The following MARF1 variants were observed in gnomAD, a reference collection of about 807,000 sequenced individuals.
MARF1 encodes limkain-b1.
MARF1 carries 24 observed loss-of-function variants against 168.2 expected under a neutral mutation model. That is an observed-to-expected ratio of 0.14 (90% CI 0.10 to 0.20). The LOEUF is 0.20. Among genes scored for constraint, MARF1 ranks in the 10% least tolerant of loss-of-function variants. The pLI is 1.00. For synonymous variants in MARF1, 868 were observed against 822.4 expected (o/e 1.06, Z -0.95); for missense variants, 1,744 against 2,143.6 (o/e 0.81, Z 3.68).
intron 5 of MARF1, among the ~76,000 whole-genome samples, chr16:15,632,288 A>G (rs910636953): frequency 6.6e-6 from 1 of 152,254 alleles, no homozygotes; most frequent in Admixed American, 6.5e-5. Context: ...AATGACTAAA[A>G]TAAGATTTAA....
At chr16:15,625,890 C>T in intron 7 of MARF1, 90 bp from the exon 8 acceptor site, 1 of 971,662 alleles carries the variant, frequency 1.0e-6, no homozygotes. Flanking sequence ...CTCCAAACTT[C>T]AGTTAACAAC....
At chr16:15,617,255 T>C (rs1345259377) in intron 14 of MARF1, 44 bp downstream of exon 14, 1 of 1,610,098 alleles carries the variant, frequency 6.2e-7, no homozygotes, top group African/African-American at 1.3e-5. Flanking sequence ...TGTTCCACAA[T>C]CTTATAGAAA....
At chr16:15,633,347 T>C (rs960285288) in intron 5 of MARF1, among the ~76,000 whole-genome samples, 3 of 152,018 alleles carry the variant, frequency 2.0e-5, no homozygotes, top group Non-Finnish European at 4.4e-5. Context: ...TCTTAGTTTC[T>C]GTTTCTGGTT....
At chr16:15,608,729 T>C in intron 20 of MARF1, 2 of 566,652 alleles carry the variant, frequency 3.5e-6, no homozygotes, top group East Asian at 2.8e-5. Context: ...GATATAAAGA[T>C]AGTTACGAAG....
In MARF1 at chr16:15,610,836, G is replaced by A. The variant is rs899567773; in HGVS notation, c.3751+139C>T. The A allele has an allele frequency of 2.3e-5, 18 of 772,214 alleles. No homozygotes were observed. The African/African-American group carries it at 3.0e-4, about 13-fold the overall frequency. The allele number at this position is 772,214 out of a possible 1,614,324, so 47.8% of individuals were successfully genotyped here. On this transcript the variant is annotated intron_variant, in intron 19 of 26. Coordinates refer to ENST00000396368, the MANE Select transcript of MARF1 (RefSeq NM_014647.4). ...CTTTGAAGAACACAGAATCCAAAGAGCAGCAGTTTTCACACTGTGCTTTCT... is the reference window on the plus strand; with the variant it reads ...CTTTGAAGAACACAGAATCCAAAGAACAGCAGTTTTCACACTGTGCTTTCT...
Position 15,609,574 on chromosome 16 carries a change from A to G in MARF1, c.3903T>C (p.Tyr1301=), listed in dbSNP as rs774118179. 5 of 1,614,110 alleles carry G rather than the reference A, an allele frequency of 3.1e-6. No homozygotes were observed. The African/African-American group carries it at 5.3e-5, about 17-fold the overall frequency. ...HFGRQCKLAY[Y]GFTKLLELFE... ...AAAGTTCAAGTAGTTTGGTAAACCC[A>G]TAGTACGCAAGTTTGCACTGCCGGC... Residue 1301 remains tyrosine, a synonymous_variant, in exon 20 of 27, where the codon TAT becomes TAC. Coordinates refer to ENST00000396368, the MANE Select transcript of MARF1 (RefSeq NM_014647.4).
Position 15,596,816 on chromosome 16 carries a change from G to A in MARF1, c.5106C>T (p.Pro1702=). The change falls in exon 27 of 27, where the codon CCC becomes CCT. Residue 1702 remains proline (P), a synonymous_variant. Coordinates refer to ENST00000396368, the MANE Select transcript of MARF1 (RefSeq NM_014647.4). ...GCAGTGACTCGGAGGTTTCCGAGGA[G>A]GGGCAGGGAGGCACGGGGACAGCTG... ...ISAAVPVPPC[P]SSETSESLLS... 6.2e-7 allele frequency: 1 copy of A among 1,614,162 alleles called. No homozygotes were observed. Among genetic ancestry groups the A allele is most frequent in the Non-Finnish European group, 8.5e-7 (1 of 1,179,994 alleles).
At chr16:15,640,674 C>G (rs118021975) in intron 1 of MARF1, among the ~76,000 whole-genome samples, 1 of 152,164 alleles carries the variant, frequency 6.6e-6, no homozygotes, top group South Asian at 2.1e-4. Context: ...GCAGCCTGGG[C>G]GACGGAGTGA....
At chr16:15,620,414 G>C (rs1283625516) in intron 13 of MARF1, 37 bp downstream of exon 13, 1 of 1,354,418 alleles carries the variant, frequency 7.4e-7, no homozygotes, top group African/African-American at 1.4e-5. Flanking sequence ...CCACCAATCA[G>C]TACTGACTGG....
intron 26 of MARF1, among the ~76,000 whole-genome samples, chr16:15,597,389 A>G (rs781746061): frequency 4.6e-5 from 7 of 152,122 alleles, no homozygotes; most frequent in African/African-American, 7.2e-5. Flanking sequence ...GAGAGGACCT[A>G]TGCTCCCCAT....
At chr16:15,607,977 AGTGCTGAGGCAGCT>A (rs1158202091) in intron 21 of MARF1, among the ~76,000 whole-genome samples, 1 of 152,220 alleles carries the variant, frequency 6.6e-6, no homozygotes, top group African/African-American at 2.4e-5. Flanking sequence ...TCAGGCCAGC[AGTGCTGAGGCAGCT>A]GCACCTCATG....
rs760877459 is a variant in MARF1 at position 15,608,468 on chromosome 16, C to G, written c.4005G>C (p.Arg1335=). The G allele has an allele frequency of 7.4e-6, 12 of 1,614,014 alleles. No individual in the cohort carries two copies. The highest frequency in any genetic ancestry group is 1.3e-5 in the African/African-American group (1 of 74,908). Residue 1335 remains arginine (R), a synonymous_variant, in exon 21 of 27, where the codon CGG becomes CGC. Transcript: ENST00000396368. ...CAAACTGGGCAGCTAGAGCTTTGAACCGCTCCACCTCTGTCAGAGTAAGGA... is the reference window on the plus strand; with the variant it reads ...CAAACTGGGCAGCTAGAGCTTTGAAGCGCTCCACCTCTGTCAGAGTAAGGA... ...EKILTLTEVE[R]FKALAAQFVK... is the part of the protein sequence containing the mutation.
At position 15,596,589 on chromosome 16, in the gene MARF1, C is replaced by T. The variant is rs1364229373; in HGVS notation, c.*104G>A. The T allele has an allele frequency of 1.1e-5, 14 of 1,223,054 alleles. No individual in the cohort carries two copies. The highest frequency in any genetic ancestry group is 2.1e-4 in the Middle Eastern group (1 of 4,858). The allele number at this position is 1,223,054 out of a possible 1,614,324, so 75.8% of individuals were successfully genotyped here. On this transcript the variant is annotated 3_prime_UTR_variant, in exon 27 of 27. Transcript: ENST00000396368. Reference sequence around the variant, plus strand: ...ACAGGTAAGATGAAGTCAATGGCTTCGGGGGGTTTTCATGACACAGAAAAG... The same window carrying T: ...ACAGGTAAGATGAAGTCAATGGCTTTGGGGGGTTTTCATGACACAGAAAAG...
At chr16:15,640,609 T>C (rs1218584934) in intron 1 of MARF1, among the ~76,000 whole-genome samples, 1 of 152,140 alleles carries the variant, frequency 6.6e-6, no homozygotes, top group Non-Finnish European at 1.5e-5. Context: ...GGTGGAAGAA[T>C]CACCTAAGAC....
intron 7 of MARF1, among the ~76,000 whole-genome samples, chr16:15,626,529 A>C (rs1363816882): frequency 2.6e-5 from 4 of 152,234 alleles, no homozygotes; most frequent in African/African-American, 9.6e-5. Flanking sequence ...AGGCTTAAGT[A>C]AACAAAAATT....
chr16:15,617,110 A>G lies in MARF1; in HGVS notation c.3019T>C (p.Phe1007Leu). ...AGAAGACTGTGAACCTGGGGCGCAA[A>G]TGTCTTCAAAGAAAGAATCACAAAA... ...IPFVILSLKTFAPQVHSLLQT... is the reference protein window; with the variant it reads ...IPFVILSLKTLAPQVHSLLQT... The change falls in exon 15 of 27, where the codon TTT becomes CTT. Residue 1007 changes from phenylalanine to leucine, a missense_variant. Physicochemically the swap from Phe to Leu is conservative, Grantham distance 22 (BLOSUM62 0). This residue lies in a region of MARF1 where 543 missense variants were observed against 742.1 expected (regional missense o/e 0.73). Transcript: ENST00000396368. 2 of 1,614,196 alleles carry G rather than the reference A, an allele frequency of 1.2e-6. No homozygotes were observed. The highest frequency in any genetic ancestry group is 1.7e-6 in the Non-Finnish European group (2 of 1,180,038).
In MARF1 at chr16:15,636,325, G is replaced by C; in HGVS notation, c.162C>G (p.Asn54Lys). 1 of 1,560,986 alleles carries C rather than the reference G, an allele frequency of 6.4e-7. No individual in the cohort carries two copies. The highest frequency in any genetic ancestry group is 8.7e-7 in the Non-Finnish European group (1 of 1,153,462). The part of the protein sequence containing the change: ...HSPQTKEYME[N>K]KKVAVELKDV... The stretch of plus-strand genomic sequence containing the variant: ...CCTTTAGTTCCACAGCAACTTTCTT[G>C]TTCTCCATGTACTCTTTCTGAGAAA... The change falls in exon 3 of 27, where the codon AAC becomes AAG. Residue 54 changes from asparagine (N) to lysine (K), a missense_variant. By Grantham distance (94) the Asn-to-Lys change is moderately conservative. Coordinates refer to ENST00000396368, the MANE Select transcript of MARF1 (RefSeq NM_014647.4).
intron 13 of MARF1, 57 bp downstream of exon 13, chr16:15,620,394 T>G: frequency 9.7e-7 from 1 of 1,034,462 alleles, no homozygotes; most frequent in Non-Finnish European, 1.5e-6. Flanking sequence ...CATGGTTTTG[T>G]GCATGTAAGC....
At chr16:15,606,334 C>T (rs1483166934) in intron 21 of MARF1, among the ~76,000 whole-genome samples, 2 of 152,118 alleles carry the variant, frequency 1.3e-5, no homozygotes, top group Non-Finnish European at 2.9e-5. Flanking sequence ...TCGGTAAACT[C>T]CCACCTTGAA....
Sources: allele counts gnomAD v4.1 joint callset (sites outside exome capture counted in the v4.1 genomes callset), GRCh38; gene constraint gnomAD v4.1.1; regional missense constraint gnomAD v4.1.1; transcripts MANE v1.5; gene names NCBI Gene and HGNC (gene_info 2026-07-23, HGNC 2026-07-21).